Variants in NTM observed in about 807,000 individuals in gnomAD.
NTM encodes IgLON family member 2.
In NTM, 13 loss-of-function variants were observed where a neutral mutation model predicts 42.1. The observed-to-expected ratio is 0.31, with a 90% CI of 0.20 to 0.49. The LOEUF (loss-of-function observed/expected upper bound fraction) is 0.49. Ranked by LOEUF, NTM falls within the 20% of genes least tolerant of loss-of-function variation. NTM has a pLI of 0.99. For synonymous variants in NTM, 187 were observed against 179.2 expected (o/e 1.04, Z -0.35); for missense variants, 373 against 452.8 (o/e 0.82, Z 1.60).
At chr11:131,920,505 A>G (rs2057064459) in intron 2 of NTM, among the ~76,000 whole-genome samples, 1 of 152,248 alleles carries the variant, frequency 6.6e-6, no homozygotes, top group African/African-American at 2.4e-5. Context: ...ATTTTAACCC[A>G]ATGTCAAAGG....
chr11:132,201,825 T>C (rs1418482791), intron 3 of NTM, among the ~76,000 whole-genome samples: 2 of 152,208 alleles, frequency 1.3e-5, no homozygotes, highest in African/African-American at 2.4e-5. Context: ...GGATCCCAAA[T>C]CCCTGTAGGA....
chr11:131,432,609 G>A (rs1010442111), intron 1 of NTM, among the ~76,000 whole-genome samples: 1 of 152,058 alleles, frequency 6.6e-6, no homozygotes, highest in African/African-American at 2.4e-5. Flanking sequence ...TTAAAAAATC[G>A]TGTATTTTTT....
intron 4 of NTM, among the ~76,000 whole-genome samples, chr11:132,275,726 G>GTATATATATGTA (rs1438604193): frequency 1.1e-3 from 89 of 80,886 alleles, no homozygotes; most frequent in South Asian, 1.8e-3. Context: ...ATATATATAC[G>GTATATATATGTA]TATATATACG....
chr11:131,411,456 G>T (rs11825684), intron 1 of NTM, among the ~76,000 whole-genome samples: 1 of 151,724 alleles, frequency 6.6e-6, no homozygotes, highest in Non-Finnish European at 1.5e-5. Flanking sequence ...GGAGAAAAAG[G>T]CTTCCGGATT....
chr11:131,376,922 G>T (rs1328258109), intron 1 of NTM, among the ~76,000 whole-genome samples: 1 of 152,150 alleles, frequency 6.6e-6, no homozygotes, highest in Non-Finnish European at 1.5e-5. Context: ...TGTTTTAGGT[G>T]CTGGAGATAA....
intron 1 of NTM, among the ~76,000 whole-genome samples, chr11:131,575,970 T>G (rs1482592777): frequency 6.6e-6 from 1 of 152,214 alleles, no homozygotes; most frequent in African/African-American, 2.4e-5. Context: ...TTCATTTTAT[T>G]CCTTGTCTGA....
At chr11:131,614,108 T>C (rs10894423) in intron 1 of NTM, among the ~76,000 whole-genome samples, 28,256 of 152,040 alleles carry the variant, frequency 0.19, 3,455 homozygotes, top group South Asian at 0.33. Flanking sequence ...TTCACTGAGA[T>C]CTGGGGCGAT....
At chr11:131,605,726 T>C in intron 1 of NTM, 1 of 907,914 alleles carries the variant, frequency 1.1e-6, no homozygotes, top group Non-Finnish European at 1.3e-6. Flanking sequence ...ATTCCTAGCT[T>C]GTTGAGTGTT....
chr11:132,072,743 C>T (rs1391290709), intron 2 of NTM, among the ~76,000 whole-genome samples: 1 of 152,088 alleles, frequency 6.6e-6, no homozygotes, highest in African/African-American at 2.4e-5. Context: ...ACACAGATAT[C>T]CCTGCCACCT....
intron 1 of NTM, among the ~76,000 whole-genome samples, chr11:131,884,008 A>C (rs1054665946): frequency 6.6e-6 from 1 of 152,204 alleles, no homozygotes; most frequent in African/African-American, 2.4e-5. Flanking sequence ...TGAATCCTTA[A>C]TAGGTGACAG....
At chr11:131,740,617 C>CT (rs1446834023) in intron 1 of NTM, among the ~76,000 whole-genome samples, 1 of 152,004 alleles carries the variant, frequency 6.6e-6, no homozygotes. Context: ...GAGTCTCTCT[C>CT]TGTCTCTGTC....
At chr11:131,685,895 G>A (rs1004694961) in intron 1 of NTM, among the ~76,000 whole-genome samples, 1 of 152,218 alleles carries the variant, frequency 6.6e-6, no homozygotes, top group Non-Finnish European at 1.5e-5. Context: ...GGTAACTAGA[G>A]GGTTTTTCCA....
At chr11:131,833,326 G>A (rs1021634170) in intron 1 of NTM, among the ~76,000 whole-genome samples, 1 of 152,108 alleles carries the variant, frequency 6.6e-6, no homozygotes, top group African/African-American at 2.4e-5. Flanking sequence ...TCTAACAATT[G>A]GCAGACACTT....
chr11:131,905,305 A>G (rs527871316), intron 1 of NTM, among the ~76,000 whole-genome samples: 1 of 152,208 alleles, frequency 6.6e-6, no homozygotes, highest in East Asian at 1.9e-4. Flanking sequence ...TATTGGATAA[A>G]TATGTACTGA....
At chr11:132,217,996 C>G (rs1277538261) in intron 4 of NTM, among the ~76,000 whole-genome samples, 3 of 152,104 alleles carry the variant, frequency 2.0e-5, no homozygotes, top group African/African-American at 7.2e-5. Flanking sequence ...TTGAGTTCAA[C>G]CAGAGCTGGC....
intron 2 of NTM, among the ~76,000 whole-genome samples, chr11:132,105,393 A>G (rs1392330639): frequency 6.6e-6 from 1 of 152,192 alleles, no homozygotes; most frequent in Non-Finnish European, 1.5e-5. Context: ...AAACTGTAGA[A>G]AAGAGAGCTA....
At chr11:131,518,685 A>T (rs1591911467) in intron 1 of NTM, among the ~76,000 whole-genome samples, 2 of 152,252 alleles carry the variant, frequency 1.3e-5, no homozygotes, top group East Asian at 3.9e-4. Context: ...TGCTGGTGTA[A>T]GGGGCTCTCT....
At chr11:131,504,738 G>C (rs56246703) in intron 1 of NTM, among the ~76,000 whole-genome samples, 15,174 of 152,052 alleles carry the variant, frequency 0.1, 983 homozygotes, top group African/African-American at 0.18. Flanking sequence ...TCAGCTGCCA[G>C]ACTCCCTGGA....
intron 1 of NTM, among the ~76,000 whole-genome samples, chr11:131,737,648 G>A (rs144803326): frequency 8.6e-5 from 13 of 152,022 alleles, no homozygotes; most frequent in Non-Finnish European, 1.8e-4. Flanking sequence ...TCTCTGCTCC[G>A]TCTCCCTTCT....
Sources: gnomAD v4.1 joint callset for allele counts (sites outside exome capture counted in the v4.1 genomes callset) on GRCh38, gnomAD v4.1.1 for gene constraint, MANE v1.5 for transcripts, NCBI Gene and HGNC (gene_info 2026-07-23, HGNC 2026-07-21) for gene names.